The following ELP4 variants were observed in gnomAD, a reference collection of about 807,000 sequenced individuals.
ELP4 encodes the protein elongator complex protein 4.
A neutral mutation model predicts 48.9 loss-of-function variants in ELP4; 51 were observed. The ratio of observed to expected loss-of-function variants is 1.04; its 90% CI spans 0.83 to 1.32. The LOEUF is 1.32. Ranked by LOEUF, ELP4 falls within the 40% of genes most tolerant of loss-of-function variation. ELP4 has a pLI of 0.00. For synonymous variants in ELP4, 210 were observed against 189.2 expected, an observed-to-expected ratio of 1.11 and a Z score of -0.90; for missense variants, 519 against 514.6, an observed-to-expected ratio of 1.01 and a Z score of -0.08.
intron 9 of ELP4, among the ~76,000 whole-genome samples, chr11:31,724,542 A>G (rs1469984980): frequency 2.0e-5 from 3 of 152,252 alleles, no homozygotes; most frequent in African/African-American, 4.8e-5. Flanking sequence ...CAAATCACCA[A>G]CAAGACAGAT....
At chr11:31,730,094 TA>T (rs1947153472) in intron 9 of ELP4, among the ~76,000 whole-genome samples, 1 of 152,134 alleles carries the variant, frequency 6.6e-6, no homozygotes, top group South Asian at 2.1e-4. Flanking sequence ...AGTGCAAAAT[TA>T]GCCACTGTAA....
At chr11:31,578,955 A>G (rs1039808493) in intron 3 of ELP4, among the ~76,000 whole-genome samples, 17 of 152,374 alleles carry the variant, frequency 1.1e-4, no homozygotes, top group African/African-American at 4.1e-4. Context: ...TAATTAAACT[A>G]AAGAGCTTCT....
chr11:31,647,558 T>G, intron 7 of ELP4, 183 bp from the exon 8 acceptor site: 1 of 485,392 alleles, frequency 2.1e-6, no homozygotes, highest in Non-Finnish European at 3.7e-6. Flanking sequence ...TGGGCCAGCA[T>G]TTTCAATTAA....
At chr11:31,761,069 A>C (rs1028319551) in intron 9 of ELP4, among the ~76,000 whole-genome samples, 3 of 151,632 alleles carry the variant, frequency 2.0e-5, no homozygotes, top group African/African-American at 7.3e-5. Flanking sequence ...AATTTTATCA[A>C]CTCAATGGCA....
chr11:31,778,331 T>A (rs1469318720), intron 9 of ELP4, among the ~76,000 whole-genome samples: 1 of 152,208 alleles, frequency 6.6e-6, no homozygotes, highest in East Asian at 1.9e-4. Context: ...CTTTGCTTTA[T>A]ATGTCTGTAA....
At chr11:31,597,235 T>C (rs754508119) in intron 4 of ELP4, among the ~76,000 whole-genome samples, 7 of 152,188 alleles carry the variant, frequency 4.6e-5, no homozygotes, top group Non-Finnish European at 8.8e-5. Flanking sequence ...ATAGCCTAAA[T>C]GTCTATCAGT....
rs1948703830 is a variant in ELP4, at chr11:31,787,117, G to A, written c.*3593G>A. Reference sequence around the variant, plus strand: ...AGCCTGCCATGCTGTCCCCAAGAGAGTGCCTGGAGCTCTGTTTGGAAGGAC... The same window carrying A: ...AGCCTGCCATGCTGTCCCCAAGAGAATGCCTGGAGCTCTGTTTGGAAGGAC... On this transcript the variant is annotated 3_prime_UTR_variant, in exon 10 of 10. Transcript: ENST00000640961. The A allele has an allele frequency of 8.6e-6, 2 of 232,300 alleles. No homozygotes were observed. The highest frequency in any genetic ancestry group is 1.1e-4 in the Admixed American group (2 of 17,746). The allele number at this position is 232,300 out of a possible 1,614,324, so 14.4% of individuals were successfully genotyped here. A position where few individuals can be genotyped will look rare whatever the true frequency, so the allele number is the denominator to read the frequency against.
At chr11:31,554,998 C>G (rs1244212821) in intron 3 of ELP4, among the ~76,000 whole-genome samples, 1 of 152,074 alleles carries the variant, frequency 6.6e-6, no homozygotes, top group Non-Finnish European at 1.5e-5. Context: ...CTTTCAATGT[C>G]ATTATTTGCT....
intron 3 of ELP4, among the ~76,000 whole-genome samples, chr11:31,559,543 T>C (rs970202226): frequency 8.5e-5 from 13 of 152,214 alleles, no homozygotes; most frequent in African/African-American, 2.7e-4. Flanking sequence ...TGCTGTAGAA[T>C]TAAAGACACA....
intron 9 of ELP4, chr11:31,714,929 T>C: frequency 2.5e-6 from 1 of 397,244 alleles, no homozygotes; most frequent in East Asian, 3.6e-5. Flanking sequence ...ATTCAATCTT[T>C]CACCTTAATT....
chr11:31,662,689 A>T (rs1945589406), intron 9 of ELP4: 1 of 396,778 alleles, frequency 2.5e-6, no homozygotes, highest in Admixed American at 4.4e-5. Context: ...AATGATTTAT[A>T]CTCTTAAAAT....
chr11:31,516,637 A>C (rs1592074963), intron 1 of ELP4, among the ~76,000 whole-genome samples: 1 of 152,266 alleles, frequency 6.6e-6, no homozygotes, highest in East Asian at 1.9e-4. Context: ...CTGGGACTAC[A>C]GGTGGCAGCA....
chr11:31,513,506 T>G (rs1565029406), intron 1 of ELP4, among the ~76,000 whole-genome samples: 1 of 152,324 alleles, frequency 6.6e-6, no homozygotes, highest in East Asian at 1.9e-4. Context: ...TTTTGTAATT[T>G]TAAGCAAAAT....
intron 3 of ELP4, among the ~76,000 whole-genome samples, chr11:31,566,169 G>A (rs1957107911): frequency 6.6e-6 from 1 of 151,958 alleles, no homozygotes; most frequent in African/African-American, 2.4e-5. Flanking sequence ...ACCAGCCTGG[G>A]CAACATGGTG....
At chr11:31,570,839 G>A (rs567974832) in intron 3 of ELP4, among the ~76,000 whole-genome samples, 94 of 121,088 alleles carry the variant, frequency 7.8e-4, no homozygotes, top group African/African-American at 2.5e-3. Flanking sequence ...TCACTCTGTC[G>A]CCCATGCTGG....
chr11:31,671,511 A>ATAAATAC (rs1177062718), intron 9 of ELP4, among the ~76,000 whole-genome samples: 2 of 152,222 alleles, frequency 1.3e-5, no homozygotes, highest in Admixed American at 6.5e-5. Context: ...GACATTATAG[A>ATAAATAC]TAAATAGCTT....
At chr11:31,709,638 T>C (rs1946700219) in intron 9 of ELP4, among the ~76,000 whole-genome samples, 1 of 152,160 alleles carries the variant, frequency 6.6e-6, no homozygotes, top group African/African-American at 2.4e-5. Flanking sequence ...TTAGTTTGAC[T>C]CTACGTCCTT....
intron 7 of ELP4, chr11:31,634,225 A>G (rs926043387): frequency 6.6e-6 from 1 of 152,048 alleles, no homozygotes; most frequent in Admixed American, 6.6e-5. Flanking sequence ...AGGAAAAAAA[A>G]GTTACTGGCT....
In ELP4 at chr11:31,565,619, A is replaced by G. The variant is rs1244543072; in HGVS notation, c.381+25836A>G. ...CTAGCCAGTTTTCCCAGCACCATTT[A>G]TTAAACAGAGAATCCTTTCCCCATC... is the stretch of plus-strand genomic sequence containing the variant. On this transcript the variant is annotated intron_variant, in intron 3 of 9. Transcript: ENST00000640961. Among the ~76,000 whole-genome samples, 3 of 145,548 alleles carry G rather than the reference A, an allele frequency of 2.1e-5. No homozygotes were observed. In the East Asian group the frequency reaches 5.9e-4, roughly 29 times the overall value.
Sources: allele counts gnomAD v4.1 joint callset (sites outside exome capture counted in the v4.1 genomes callset), GRCh38; gene constraint gnomAD v4.1.1; transcripts MANE v1.5; gene names NCBI Gene and HGNC (gene_info 2026-07-23, HGNC 2026-07-21).